SERINC5: variants seen among roughly 807,000 people sequenced by gnomAD.
The protein encoded by SERINC5 is chromosome 5 open reading frame 12.
Under a neutral mutation model 63.1 loss-of-function variants are expected in SERINC5, and 41 were observed. That is an observed-to-expected ratio of 0.65 (90% CI 0.51 to 0.84). The LOEUF is 0.84. Ranked by LOEUF, SERINC5 falls within the 40% of genes least tolerant of loss-of-function variation. The pLI, the probability that SERINC5 is intolerant of heterozygous loss-of-function variation, is 0.00. For synonymous variants in SERINC5, 222 were observed against 215.2 expected (o/e 1.03, Z -0.28); for missense variants, 523 against 573.0 (o/e 0.91, Z 0.89).
At chr5:80,120,824 G>T (rs1027626933) in intron 11 of SERINC5, among the ~76,000 whole-genome samples, 2 of 152,066 alleles carry the variant, frequency 1.3e-5, no homozygotes, top group Admixed American at 1.3e-4. Flanking sequence ...AAAAAGAAAA[G>T]AAATACCTGC....
chr5:80,199,780 C>G (rs1749718220), intron 2 of SERINC5, among the ~76,000 whole-genome samples: 1 of 152,146 alleles, frequency 6.6e-6, no homozygotes, highest in Admixed American at 6.6e-5. Context: ...AGAATAGCAA[C>G]TTATTAAGAG....
At chr5:80,233,805 C>CCTTTTT (rs1554071351) in intron 1 of SERINC5, among the ~76,000 whole-genome samples, 9 of 69,936 alleles carry the variant, frequency 1.3e-4, no homozygotes, top group African/African-American at 3.2e-4. Context: ...TCAACTTTTA[C>CCTTTTT]TTTTTTTTTT....
rs77266571 is a variant in SERINC5 at position 80,212,954 on chromosome 5, T to C, written c.28-9901A>G. ...GAATACATGGCAACCCATGAAAGCT[T>C]ACTGAATCAGCCAGGCACAGTGGTT... is the stretch of plus-strand genomic sequence containing the variant. On this transcript the variant is annotated intron_variant, in intron 1 of 11. Coordinates refer to ENST00000507668, the MANE Select transcript of SERINC5 (RefSeq NM_001174072.3). Among the ~76,000 whole-genome samples, 393 of 152,146 alleles carry C rather than the reference T, an allele frequency of 2.6e-3. 14 individuals carry two copies. In the East Asian group the frequency reaches 0.069, roughly 27 times the overall value.
chr5:80,202,375 A>G (rs1749893173), intron 2 of SERINC5, among the ~76,000 whole-genome samples: 1 of 152,152 alleles, frequency 6.6e-6, no homozygotes, highest in African/African-American at 2.4e-5. Context: ...CGTCTGACAT[A>G]AACAGACGAT....
downstream of SERINC5, among the ~76,000 whole-genome samples, chr5:80,136,007 G>A (rs1580040984): frequency 6.6e-6 from 1 of 152,092 alleles, no homozygotes; most frequent in South Asian, 2.1e-4. Context: ...AAGAGTTCTG[G>A]AGATTGGCTG....
chr5:80,223,309 A>C (rs1399439308), intron 1 of SERINC5, among the ~76,000 whole-genome samples: 2 of 152,236 alleles, frequency 1.3e-5, no homozygotes, highest in Admixed American at 1.3e-4. Context: ...ATTTGCATAT[A>C]ATCTATGCAT....
At chr5:80,251,279 A>AATACATACATGCATACATAC (rs1192371327) in intron 1 of SERINC5, among the ~76,000 whole-genome samples, 6 of 133,766 alleles carry the variant, frequency 4.5e-5, no homozygotes. Flanking sequence ...CCCATCTTTA[A>AATACATACATGCATACATAC]ATACATACAT....
At chr5:80,194,579 C>A (rs558030588) in intron 2 of SERINC5, among the ~76,000 whole-genome samples, 2 of 152,296 alleles carry the variant, frequency 1.3e-5, no homozygotes, top group East Asian at 3.9e-4. Context: ...CCTCTGTTTT[C>A]TACTTCAGAA....
intron 1 of SERINC5, among the ~76,000 whole-genome samples, chr5:80,206,624 A>G (rs1750178911): frequency 6.6e-6 from 1 of 152,102 alleles, no homozygotes; most frequent in Admixed American, 6.6e-5. Flanking sequence ...TGGGTGTTTT[A>G]TGGGCCACTT....
chr5:80,137,978 A>G (rs137877487), downstream of SERINC5, among the ~76,000 whole-genome samples: 831 of 152,194 alleles, frequency 5.5e-3, 9 homozygotes, highest in African/African-American at 0.019. Context: ...TAAAAAATTC[A>G]GCCTCAAAAA....
In SERINC5 at chr5:80,141,643, C is replaced by G; in HGVS notation, c.*2020G>C. 8 of 985,606 alleles carry G rather than the reference C, an allele frequency of 8.1e-6. No homozygotes were observed. Among genetic ancestry groups the G allele is most frequent in the Non-Finnish European group, 7.2e-6 (6 of 830,040 alleles). The allele number at this position is 985,606 out of a possible 1,614,324, so 61.1% of individuals were successfully genotyped here. On this transcript the variant is annotated 3_prime_UTR_variant, in exon 12 of 12. Transcript: ENST00000507668. ...CCCAAGGCCCTAGGCCACTGCAACA[C>G]AGCTACTGTGTGTGACACGCAGCCC...
In SERINC5 at chr5:80,141,182, G is replaced by C; in HGVS notation, c.*2481C>G. The stretch of plus-strand genomic sequence containing the variant: ...CTGTTTTGTTCATCCAGATACACGT[G>C]CTAACATTTTCAGCTGAGAATAAAA... On this transcript the variant is annotated 3_prime_UTR_variant, in exon 12 of 12. Transcript: ENST00000507668. 1.0e-6 allele frequency: 1 copy of C among 985,406 alleles called. No individual in the cohort carries two copies. The highest frequency in any genetic ancestry group is 1.7e-5 in the African/African-American group (1 of 57,332). 61.0% of individuals were successfully genotyped at this position (985,406 alleles called of 1,614,324 possible). A position where few individuals can be genotyped will look rare whatever the true frequency, so the allele number is the denominator to read the frequency against.
At chr5:80,222,199 G>C (rs1400825794) in intron 1 of SERINC5, among the ~76,000 whole-genome samples, 2 of 151,992 alleles carry the variant, frequency 1.3e-5, no homozygotes, top group Non-Finnish European at 2.9e-5. Flanking sequence ...TCACTCTCTA[G>C]GGTAAGCACT....
downstream of SERINC5, among the ~76,000 whole-genome samples, chr5:80,135,445 G>A (rs538421792): frequency 5.6e-4 from 85 of 152,300 alleles, no homozygotes; most frequent in African/African-American, 1.9e-3. Context: ...CTCTGTGGGT[G>A]CAGGGACCCA....
chr5:80,172,032 A>C (rs1051040014), intron 5 of SERINC5, among the ~76,000 whole-genome samples: 6 of 152,348 alleles, frequency 3.9e-5, no homozygotes, highest in African/African-American at 1.4e-4. Context: ...CAATTACAAT[A>C]TGTCAATTAA....
At chr5:80,169,143 C>T (rs149404377) in intron 6 of SERINC5, among the ~76,000 whole-genome samples, 192 bp downstream of exon 6, 1,708 of 152,288 alleles carry the variant, frequency 0.011, 32 homozygotes, top group African/African-American at 0.038. Flanking sequence ...ATGAGAAATG[C>T]TTGGCTATCA....
intron 8 of SERINC5, among the ~76,000 whole-genome samples, chr5:80,151,665 A>C (rs1746188681): frequency 6.6e-6 from 1 of 152,218 alleles, no homozygotes; most frequent in Admixed American, 6.5e-5. Context: ...ACAAAAACAC[A>C]GAACATTTTA....
At chr5:80,200,634 G>A (rs1327838549) in intron 2 of SERINC5, among the ~76,000 whole-genome samples, 1 of 152,188 alleles carries the variant, frequency 6.6e-6, no homozygotes, top group Non-Finnish European at 1.5e-5. Flanking sequence ...AGTCAGAGGG[G>A]AACCCAAATT....
chr5:80,170,372 G>A (rs1247273955), intron 5 of SERINC5, among the ~76,000 whole-genome samples: 1 of 152,250 alleles, frequency 6.6e-6, no homozygotes, highest in East Asian at 1.9e-4. Context: ...TGAGCAATTT[G>A]AGGGCAGCCA....
Sources: allele counts gnomAD v4.1 joint callset (sites outside exome capture counted in the v4.1 genomes callset), GRCh38; gene constraint gnomAD v4.1.1; transcripts MANE v1.5; gene names NCBI Gene and HGNC (gene_info 2026-07-23, HGNC 2026-07-21).